The following PPARG variants were observed in gnomAD, a reference collection of about 807,000 sequenced individuals.
PPARG encodes peroxisome proliferator activated receptor gamma, also known as peroxisome proliferator-activated receptor gamma.
A neutral mutation model predicts 39.2 loss-of-function variants in PPARG; 17 were observed. That is an observed-to-expected ratio of 0.43 (90% CI 0.30 to 0.65). PPARG has a LOEUF of 0.65. Ranked by LOEUF, PPARG falls within the 30% of genes least tolerant of loss-of-function variation. The pLI is 0.13. For synonymous variants in PPARG, 223 were observed against 215.7 expected (o/e 1.03, Z -0.30); for missense variants, 406 against 585.9 (o/e 0.69, Z 3.17).
intron 4 of PPARG, among the ~76,000 whole-genome samples, chr3:12,392,112 G>T (rs1361123029): frequency 6.6e-6 from 1 of 152,114 alleles, no homozygotes; most frequent in Non-Finnish European, 1.5e-5. Context: ...AAATTCTGCA[G>T]GAAATTATGC....
chr3:12,327,867 A>T, intron 2 of PPARG: 1 of 490,852 alleles, frequency 2.0e-6, no homozygotes, highest in South Asian at 3.3e-5. Flanking sequence ...AAACAAAGCA[A>T]GCAAACTGAA....
At chr3:12,389,904 AAAAC>A (rs1049014448) in intron 4 of PPARG, among the ~76,000 whole-genome samples, 5 of 152,180 alleles carry the variant, frequency 3.3e-5, no homozygotes. Flanking sequence ...CTCAAAACAA[AAAAC>A]AAACAAAACA....
intron 5 of PPARG, among the ~76,000 whole-genome samples, chr3:12,397,992 C>T (rs1378801407): frequency 2.6e-5 from 4 of 152,234 alleles, no homozygotes; most frequent in East Asian, 1.9e-4. Context: ...TCTGTTGATG[C>T]GTCTGTCTGT....
chr3:12,313,138 T>C, intron 2 of PPARG, among the ~76,000 whole-genome samples: 1 of 152,234 alleles, frequency 6.6e-6, no homozygotes, highest in East Asian at 1.9e-4. Context: ...TTTAGGACTA[T>C]TGATTTTGGT....
At chr3:12,342,211 G>A (rs1049252553) in intron 2 of PPARG, among the ~76,000 whole-genome samples, 1 of 152,152 alleles carries the variant, frequency 6.6e-6, no homozygotes, top group Non-Finnish European at 1.5e-5. Context: ...GAAACACAGG[G>A]GATGGAGAAT....
At chr3:12,295,947 T>C (rs1006175421) in intron 1 of PPARG, among the ~76,000 whole-genome samples, 1 of 152,028 alleles carries the variant, frequency 6.6e-6, no homozygotes, top group Non-Finnish European at 1.5e-5. Flanking sequence ...AGTAGGCACT[T>C]AAATGTTTTA....
At chr3:12,292,045 A>G (rs2046661610) in intron 1 of PPARG, among the ~76,000 whole-genome samples, 1 of 152,236 alleles carries the variant, frequency 6.6e-6, no homozygotes, top group African/African-American at 2.4e-5. Context: ...TCTTTTACCA[A>G]TGTTAATAGT....
chr3:12,292,194 T>C (rs1420545193), intron 1 of PPARG, among the ~76,000 whole-genome samples: 4 of 152,214 alleles, frequency 2.6e-5, no homozygotes, highest in African/African-American at 9.7e-5. Flanking sequence ...CATTCCCTGA[T>C]GACTTTGGAC....
chr3:12,304,880 A>G (rs1031611523), intron 1 of PPARG, among the ~76,000 whole-genome samples: 1 of 152,182 alleles, frequency 6.6e-6, no homozygotes, highest in African/African-American at 2.4e-5. Context: ...GTGGCTCCTT[A>G]ATTTCTTAAT....
intron 2 of PPARG, among the ~76,000 whole-genome samples, chr3:12,352,761 T>C (rs999755535): frequency 6.6e-6 from 1 of 152,244 alleles, no homozygotes; most frequent in African/African-American, 2.4e-5. Context: ...AGAAAATGTT[T>C]CCTGAAGTAC....
At chr3:12,322,742 A>G (rs904811735) in intron 2 of PPARG, among the ~76,000 whole-genome samples, 4 of 152,172 alleles carry the variant, frequency 2.6e-5, no homozygotes, top group Non-Finnish European at 5.9e-5. Context: ...TAGGGAAGTG[A>G]TATGACAAAA....
intron 1 of PPARG, among the ~76,000 whole-genome samples, chr3:12,310,422 T>A (rs1470351747): frequency 2.0e-5 from 3 of 151,580 alleles, no homozygotes; most frequent in African/African-American, 7.3e-5. Flanking sequence ...GTTTTTTAGA[T>A]TAAAATTTTT....
At chr3:12,346,239 CTA>C (rs1036106904) in intron 2 of PPARG, among the ~76,000 whole-genome samples, 1 of 152,172 alleles carries the variant, frequency 6.6e-6, no homozygotes, top group African/African-American at 2.4e-5. Context: ...TCATCAGACA[CTA>C]TTTTTTCAGA....
At chr3:12,338,954 T>C (rs570637832) in intron 2 of PPARG, among the ~76,000 whole-genome samples, 13 of 152,378 alleles carry the variant, frequency 8.5e-5, no homozygotes, top group Admixed American at 2.6e-4. Flanking sequence ...TGAATTCTTA[T>C]ACATTTTATG....
intron 5 of PPARG, among the ~76,000 whole-genome samples, chr3:12,402,104 T>A (rs1246142122): frequency 1.3e-5 from 2 of 152,214 alleles, no homozygotes; most frequent in Non-Finnish European, 2.9e-5. Context: ...GTTTTGCATA[T>A]GATTATAGCC....
At chr3:12,328,067 CTT>C (rs2047743747) in intron 2 of PPARG, 2 of 1,483,862 alleles carry the variant, frequency 1.3e-6, no homozygotes, top group East Asian at 2.3e-5. Flanking sequence ...GAGATCATGA[CTT>C]TGGTAGATGA....
intron 7 of PPARG, among the ~76,000 whole-genome samples, chr3:12,421,698 G>A (rs555830942): frequency 6.6e-6 from 1 of 152,298 alleles, no homozygotes; most frequent in Admixed American, 6.5e-5. Flanking sequence ...TATTTTTCAA[G>A]GCAAATTGCC....
At chr3:12,331,037 G>T (rs2047844178) in intron 2 of PPARG, among the ~76,000 whole-genome samples, 1 of 152,182 alleles carries the variant, frequency 6.6e-6, no homozygotes, top group African/African-American at 2.4e-5. Flanking sequence ...AGATGGAAGT[G>T]ACTTGCCTAA....
chr3:12,367,207 T>A (rs1015979318), intron 2 of PPARG, among the ~76,000 whole-genome samples: 3 of 152,192 alleles, frequency 2.0e-5, no homozygotes, highest in Non-Finnish European at 4.4e-5. Context: ...GTCAATGAGA[T>A]CTGTAATGAT....
Sources: allele counts gnomAD v4.1 joint callset (sites outside exome capture counted in the v4.1 genomes callset), GRCh38; gene constraint gnomAD v4.1.1; transcripts MANE v1.5; gene names NCBI Gene and HGNC (gene_info 2026-07-23, HGNC 2026-07-21).